ESR2: variants seen among roughly 807,000 people sequenced by gnomAD.
The protein encoded by ESR2 is estrogen receptor beta.
In ESR2, 36 loss-of-function variants were observed where a neutral mutation model predicts 49.6. The ratio of observed to expected loss-of-function variants is 0.73; its 90% CI spans 0.56 to 0.96. The LOEUF (loss-of-function observed/expected upper bound fraction) is 0.96. ESR2 is among the 40% of genes least tolerant of loss of function. ESR2 has a pLI of 0.00. For missense variants in ESR2, 714 were observed against 693.0 expected (o/e 1.03, Z -0.34); for synonymous variants, 320 against 266.1 (o/e 1.20, Z -1.97).
In ESR2 at chr14:64,257,415, C is replaced by T. The variant is rs371676166; in HGVS notation, c.953-51G>A. On this transcript the variant is annotated intron_variant, in intron 5 of 8. Transcript: ENST00000341099. ...CACCCCCACCCCTCCTCCTCAGCTC[C>T]CTGTGTGTGTAGAGACAGAATGGCA... is the stretch of plus-strand genomic sequence containing the variant. The T allele has an allele frequency of 1.3e-4, 211 of 1,607,238 alleles. 4 individuals carry two copies. In the East Asian group the frequency reaches 1.9e-3, roughly 14 times the overall value.
chr14:64,250,238 C>G (rs1036901045), intron 6 of ESR2, among the ~76,000 whole-genome samples: 1 of 151,974 alleles, frequency 6.6e-6, no homozygotes, highest in Non-Finnish European at 1.5e-5. Flanking sequence ...AAAAAGCTGA[C>G]TATGAGAAAG....
intron 1 of ESR2, among the ~76,000 whole-genome samples, chr14:64,286,184 A>C (rs976597526): frequency 2.0e-5 from 3 of 152,178 alleles, no homozygotes; most frequent in African/African-American, 7.2e-5. Context: ...TAAATCAAAA[A>C]TTTGGACCAA....
chr14:64,319,370 T>C (rs1400758233), intron 1 of ESR2, among the ~76,000 whole-genome samples: 1 of 152,014 alleles, frequency 6.6e-6, no homozygotes, highest in Non-Finnish European at 1.5e-5. Flanking sequence ...GGTTTAGAGA[T>C]GATTTTTTGG....
intron 7 of ESR2, among the ~76,000 whole-genome samples, chr14:64,240,693 T>A (rs182350266): frequency 6.6e-6 from 1 of 152,220 alleles, no homozygotes; most frequent in Non-Finnish European, 1.5e-5. Context: ...GTACTTCCAG[T>A]ACACATACAA....
At chr14:64,284,051 C>T (rs1330713062) in intron 1 of ESR2, among the ~76,000 whole-genome samples, 4 of 151,416 alleles carry the variant, frequency 2.6e-5, no homozygotes, top group South Asian at 2.1e-4. Context: ...CTCAGCCTCA[C>T]GAGTAGCTGA....
chr14:64,310,286 A>AAAAAAAAAAAAAAAAAAAAATAATAAT (rs1555595498), intron 1 of ESR2, among the ~76,000 whole-genome samples: 1 of 142,468 alleles, frequency 7.0e-6, no homozygotes, highest in African/African-American at 2.6e-5. Flanking sequence ...TCGTCTCAAA[A>AAAAAAAAAAAAAAAAAAAAATAATAAT]AATAATAATA....
chr14:64,247,798 A>G (rs1231701228), intron 7 of ESR2, among the ~76,000 whole-genome samples: 1 of 152,220 alleles, frequency 6.6e-6, no homozygotes, highest in African/African-American at 2.4e-5. Flanking sequence ...ATTCATACAA[A>G]ATAACACATC....
At chr14:64,276,473 C>T (rs2076560532) in intron 3 of ESR2, among the ~76,000 whole-genome samples, 1 of 152,016 alleles carries the variant, frequency 6.6e-6, no homozygotes, top group South Asian at 2.1e-4. Flanking sequence ...TCAATGCTAC[C>T]AAGAGGTTGG....
intron 6 of ESR2, among the ~76,000 whole-genome samples, chr14:64,256,704 G>T (rs1466065059): frequency 6.6e-6 from 1 of 151,576 alleles, no homozygotes; most frequent in Non-Finnish European, 1.5e-5. Context: ...ACTCCAGCCT[G>T]AGCAACAGAG....
chr14:64,231,474 C>G lies in ESR2; in HGVS notation c.*1663G>C, dbSNP rs1198679381. Reference sequence around the variant, plus strand: ...CTCTAAGAATAACTTCAGACTGCCTCAGAACACAGACATCAGTGTGTTCTC... The same window carrying G: ...CTCTAAGAATAACTTCAGACTGCCTGAGAACACAGACATCAGTGTGTTCTC... On this transcript the variant is annotated 3_prime_UTR_variant, in exon 9 of 9. Coordinates refer to ENST00000341099, the MANE Select transcript of ESR2 (RefSeq NM_001437.3). 1 of 152,188 alleles carries G rather than the reference C, an allele frequency of 6.6e-6. No homozygotes were observed. Among genetic ancestry groups the G allele is most frequent in the Non-Finnish European group, 1.5e-5 (1 of 68,038 alleles). The allele number at this position is 152,188 out of a possible 1,614,324, so 9.4% of individuals were successfully genotyped here. A position where few individuals can be genotyped will look rare whatever the true frequency, so the allele number is the denominator to read the frequency against.
intron 1 of ESR2, among the ~76,000 whole-genome samples, chr14:64,304,622 G>A (rs1453983586): frequency 6.6e-6 from 1 of 152,102 alleles, no homozygotes; most frequent in Non-Finnish European, 1.5e-5. Context: ...AACCTCCAAC[G>A]CTTTGGGAGG....
intron 1 of ESR2, among the ~76,000 whole-genome samples, chr14:64,304,728 T>C (rs1298454841): frequency 6.6e-6 from 1 of 151,698 alleles, no homozygotes; most frequent in Middle Eastern, 3.2e-3. Context: ...TTTTAAAAAT[T>C]AGCTGGGTGT....
At chr14:64,328,051 CAA>C (rs748229456) in intron 1 of ESR2, among the ~76,000 whole-genome samples, 9 of 87,122 alleles carry the variant, frequency 1.0e-4, no homozygotes, top group Admixed American at 1.3e-4. Flanking sequence ...ACTAAAAATA[CAA>C]AAAAAAAAAA....
downstream of ESR2, chr14:64,227,248 C>G: frequency 4.5e-6 from 2 of 446,508 alleles, no homozygotes; most frequent in Non-Finnish European, 7.9e-6. Flanking sequence ...TAGATGAAGC[C>G]TCAGCTTTCT....
intron 1 of ESR2, among the ~76,000 whole-genome samples, chr14:64,319,915 A>C (rs1387501643): frequency 6.6e-6 from 1 of 152,200 alleles, no homozygotes; most frequent in East Asian, 1.9e-4. Context: ...TAAGACTCAG[A>C]AATAGTACTC....
intron 6 of ESR2, 47 bp downstream of exon 6, chr14:64,257,179 C>T (rs370525612): frequency 1.4e-5 from 22 of 1,584,468 alleles, no homozygotes; most frequent in Non-Finnish European, 1.9e-5. Context: ...TCACTAAGCA[C>T]CTTACTCAAA....
At chr14:64,242,432 C>CA (rs2075749679) in intron 7 of ESR2, among the ~76,000 whole-genome samples, 1 of 92,850 alleles carries the variant, frequency 1.1e-5, no homozygotes, top group Non-Finnish European at 1.9e-5. Context: ...AAAAACAAAA[C>CA]AAACAAACAA....
chr14:64,228,116 A>T (rs2098723749), downstream of ESR2: 15 of 1,229,098 alleles, frequency 1.2e-5, no homozygotes, highest in Middle Eastern at 2.7e-4. Context: ...TTAAGAAGAT[A>T]CATTAAAGCA....
At chr14:64,322,717 G>A (rs974678770) in intron 1 of ESR2, among the ~76,000 whole-genome samples, 2 of 152,064 alleles carry the variant, frequency 1.3e-5, no homozygotes, top group Non-Finnish European at 2.9e-5. Flanking sequence ...TTTGCAAATA[G>A]TAATCTGACA....
Sources: allele counts gnomAD v4.1 joint callset (sites outside exome capture counted in the v4.1 genomes callset), GRCh38; gene constraint gnomAD v4.1.1; transcripts MANE v1.5; gene names NCBI Gene and HGNC (gene_info 2026-07-23, HGNC 2026-07-21).